MALRD1: variants seen among roughly 807,000 people sequenced by gnomAD.
MALRD1 encodes the protein MAM and LDL receptor class A domain containing 1.
MALRD1 carries 247 observed loss-of-function variants against 242.1 expected under a neutral mutation model. The observed-to-expected ratio is 1.02, with a 90% CI of 0.92 to 1.13. The LOEUF (loss-of-function observed/expected upper bound fraction) is 1.13. Among genes scored for constraint, MALRD1 ranks in the 50% most tolerant of loss-of-function variants. The pLI is 0.00. For synonymous variants in MALRD1, 995 were observed against 866.6 expected (o/e 1.15, Z -2.60); for missense variants, 2,989 against 2,533.1 (o/e 1.18, Z -3.86).
chr10:19,390,728 C>T (rs926482320), intron 28 of MALRD1, among the ~76,000 whole-genome samples: 3 of 151,904 alleles, frequency 2.0e-5, no homozygotes, highest in Non-Finnish European at 2.9e-5. Context: ...TAGAAAATGC[C>T]TGAGCTGAAT....
intron 39 of MALRD1, among the ~76,000 whole-genome samples, chr10:19,732,107 A>G (rs1406944111): frequency 6.6e-6 from 1 of 152,260 alleles, no homozygotes; most frequent in African/African-American, 2.4e-5. Flanking sequence ...TGATTCGACA[A>G]GTAAATCAAG....
intron 2 of MALRD1, among the ~76,000 whole-genome samples, chr10:19,083,238 G>A (rs1253635461): frequency 6.6e-6 from 1 of 151,916 alleles, no homozygotes; most frequent in Non-Finnish European, 1.5e-5. Context: ...GTGTATGTTG[G>A]GGTGCACTTT....
intron 9 of MALRD1, among the ~76,000 whole-genome samples, chr10:19,135,560 T>C (rs1240440083): frequency 6.6e-6 from 1 of 152,212 alleles, no homozygotes; most frequent in East Asian, 1.9e-4. Flanking sequence ...TTAACCACAT[T>C]TAGTGCTGTT....
At position 19,498,629 on chromosome 10, in the gene MALRD1, ACT is replaced by A. The variant is rs1564392862; in HGVS notation, c.5306_5307del (p.Ser1769Ter). The A allele has an allele frequency of 1.9e-6, 3 of 1,549,232 alleles. No homozygotes were observed. The highest frequency in any genetic ancestry group is 2.6e-6 in the Non-Finnish European group (3 of 1,146,470). ...ATTCCTGCCAAAGCATTAATTCCAG[ACT>A]CTGATCACACGCCAGGTAAATCTAG... On this transcript the variant is annotated frameshift_variant, in exon 31 of 40. Coordinates refer to ENST00000454679, the MANE Select transcript of MALRD1 (RefSeq NM_001142308.3). LOFTEE classifies it high-confidence loss of function.
At chr10:19,427,498 C>T (rs1833946653) in intron 28 of MALRD1, among the ~76,000 whole-genome samples, 1 of 152,120 alleles carries the variant, frequency 6.6e-6, no homozygotes, top group Admixed American at 6.6e-5. Context: ...TGGCTTAAAC[C>T]ATGTCTCGCA....
chr10:19,533,879 C>T (rs1364689105), intron 32 of MALRD1, among the ~76,000 whole-genome samples: 3 of 152,102 alleles, frequency 2.0e-5, no homozygotes, highest in Non-Finnish European at 2.9e-5. Context: ...TTACCACGTC[C>T]GTGGGTGACC....
intron 38 of MALRD1, among the ~76,000 whole-genome samples, chr10:19,729,372 C>T (rs1184336376): frequency 6.6e-6 from 1 of 152,134 alleles, no homozygotes; most frequent in Non-Finnish European, 1.5e-5. Context: ...TTCACTGTAT[C>T]CTGAATAGGC....
intron 13 of MALRD1, among the ~76,000 whole-genome samples, chr10:19,167,360 A>AAAAAAC (rs1834736726): frequency 6.6e-6 from 1 of 152,126 alleles, no homozygotes; most frequent in Non-Finnish European, 1.5e-5. Context: ...CTCCATCTTA[A>AAAAAAC]AAAAACAAAA....
intron 11 of MALRD1, among the ~76,000 whole-genome samples, chr10:19,154,236 G>T (rs1252410557): frequency 6.6e-6 from 1 of 152,086 alleles, no homozygotes; most frequent in African/African-American, 2.4e-5. Flanking sequence ...TTGGTTGTTT[G>T]GTTAAACATG....
At chr10:19,055,987 C>A (rs1257615713) in intron 1 of MALRD1, among the ~76,000 whole-genome samples, 2 of 152,148 alleles carry the variant, frequency 1.3e-5, no homozygotes, top group African/African-American at 2.4e-5. Flanking sequence ...ACCCTTGAAC[C>A]TAAAATTAGA....
In MALRD1 at chr10:19,578,760, A is replaced by C. The variant is rs1836956622; in HGVS notation, c.5680+11057A>C. ...AATTTAAAGACCAGTCCAAGAAGCA[A>C]AATATCAAAACCTTGTGTTTTGCCC... On this transcript the variant is annotated intron_variant, in intron 33 of 39. Transcript: ENST00000454679. Among the ~76,000 whole-genome samples, 3 of 151,960 alleles carry C rather than the reference A, an allele frequency of 2.0e-5. No individual in the cohort carries two copies. In the South Asian group the frequency reaches 6.2e-4, roughly 32 times the overall value.
intron 1 of MALRD1, among the ~76,000 whole-genome samples, chr10:19,054,800 T>C (rs1834612701): frequency 6.6e-6 from 1 of 152,202 alleles, no homozygotes; most frequent in African/African-American, 2.4e-5. Flanking sequence ...TATGTATCCA[T>C]TGATGTACAC....
rs1486373432 is a variant in MALRD1, at chr10:19,087,850, C to T, written c.351C>T (p.Leu117=). ...DHNGDVSAHF[L]SLVSRVDSIS... Reference sequence around the variant, plus strand: ...TCTTCTTTCTGATAGCTCACTTCCTCTCACTGGTTTCCAGAGTGGATTCTA... The same window carrying T: ...TCTTCTTTCTGATAGCTCACTTCCTTTCACTGGTTTCCAGAGTGGATTCTA... The change falls in exon 3 of 40, where the codon CTC becomes CTT. Residue 117 remains leucine, a synonymous_variant. Coordinates refer to ENST00000454679, the MANE Select transcript of MALRD1 (RefSeq NM_001142308.3). 2 of 1,232,202 alleles carry T rather than the reference C, an allele frequency of 1.6e-6. No individual in the cohort carries two copies. The highest frequency in any genetic ancestry group is 2.0e-6 in the Non-Finnish European group (2 of 986,946). 76.3% of individuals were successfully genotyped at this position (1,232,202 alleles called of 1,614,324 possible).
At chr10:19,477,873 G>C (rs551905703) in intron 29 of MALRD1, among the ~76,000 whole-genome samples, 1 of 152,308 alleles carries the variant, frequency 6.6e-6, no homozygotes, top group African/African-American at 2.4e-5. Flanking sequence ...CCTTCACCAT[G>C]TTGTCTGTTC....
chr10:19,709,547 A>G (rs1235882365), intron 38 of MALRD1, among the ~76,000 whole-genome samples: 2 of 152,312 alleles, frequency 1.3e-5, no homozygotes, highest in Non-Finnish European at 2.9e-5. Flanking sequence ...GGAAATAATA[A>G]ATTATTTTAA....
chr10:19,304,037 T>C (rs1047914227), intron 21 of MALRD1, among the ~76,000 whole-genome samples: 2 of 151,846 alleles, frequency 1.3e-5, no homozygotes, highest in South Asian at 2.1e-4. Context: ...TCAAGTGTTA[T>C]GTCTGGGTAT....
At chr10:19,544,057 T>A (rs1401825842) in intron 32 of MALRD1, among the ~76,000 whole-genome samples, 1 of 152,202 alleles carries the variant, frequency 6.6e-6, no homozygotes, top group Non-Finnish European at 1.5e-5. Context: ...TCTAGTTTTT[T>A]AAATAAATCC....
chr10:19,604,524 T>C (rs1040958771), intron 34 of MALRD1, among the ~76,000 whole-genome samples: 11 of 152,154 alleles, frequency 7.2e-5, no homozygotes, highest in African/African-American at 2.2e-4. Flanking sequence ...GGAAAGAAAC[T>C]ATCACCATAA....
rs1335955503 is a variant in MALRD1, at chr10:19,347,906, T to C, written c.4037T>C (p.Leu1346Ser). Residue 1346 changes from leucine to serine, a missense_variant, in exon 25 of 40, where the codon TTG (leucine) becomes TCG (serine). Coordinates refer to ENST00000454679, the MANE Select transcript of MALRD1 (RefSeq NM_001142308.3). ...ACAGAGCCAGCAGCAGATCACACTT[T>C]GGGAAATTCATCTGGTCATTACATC... Reference protein sequence around the residue: ...AGTEPAADHTLGNSSGHYIFI... With the variant: ...AGTEPAADHTSGNSSGHYIFI... The C allele has an allele frequency of 3.2e-6, 5 of 1,550,390 alleles. No homozygotes were observed. Among genetic ancestry groups the C allele is most frequent in the Non-Finnish European group, 4.4e-6 (5 of 1,146,842 alleles).
Sources: allele counts gnomAD v4.1 joint callset (sites outside exome capture counted in the v4.1 genomes callset), GRCh38; gene constraint gnomAD v4.1.1; transcripts MANE v1.5; gene names NCBI Gene and HGNC (gene_info 2026-07-23, HGNC 2026-07-21).